The following RAB3C variants were observed in gnomAD, a reference collection of about 807,000 sequenced individuals.
RAB3C encodes the protein ras-related protein Rab-3C.
A neutral mutation model predicts 26.4 loss-of-function variants in RAB3C; 17 were observed. The ratio of observed to expected loss-of-function variants is 0.64; its 90% CI spans 0.44 to 0.97. The LOEUF is 0.97. Ranked by LOEUF, RAB3C falls within the 50% of genes least tolerant of loss-of-function variation. The probability of loss-of-function intolerance (pLI) is 0.00; values close to 1 mark genes in which losing one functional copy is unlikely to be tolerated. For missense variants in RAB3C, 242 were observed against 281.9 expected (o/e 0.86, Z 1.01); for synonymous variants, 91 against 95.9 (o/e 0.95, Z 0.30).
At chr5:58,839,915 T>C (rs926309230) in intron 4 of RAB3C, among the ~76,000 whole-genome samples, 2 of 151,568 alleles carry the variant, frequency 1.3e-5, no homozygotes, top group African/African-American at 4.8e-5. Context: ...TGGGAGGTTT[T>C]TTTTTTTCTT....
intron 2 of RAB3C, among the ~76,000 whole-genome samples, chr5:58,710,973 A>G (rs951747514): frequency 1.3e-5 from 2 of 152,216 alleles, no homozygotes; most frequent in African/African-American, 4.8e-5. Flanking sequence ...TGGAACACTC[A>G]TATAATTCAC....
intron 2 of RAB3C, among the ~76,000 whole-genome samples, chr5:58,718,099 G>A (rs1235037644): frequency 6.6e-6 from 1 of 152,072 alleles, no homozygotes; most frequent in African/African-American, 2.4e-5. Context: ...GCTGTAAGCT[G>A]CCTGCATTTA....
At chr5:58,741,047 A>G (rs927076934) in intron 3 of RAB3C, among the ~76,000 whole-genome samples, 2 of 152,160 alleles carry the variant, frequency 1.3e-5, no homozygotes, top group African/African-American at 4.8e-5. Context: ...AATGACTCAC[A>G]GAACTCAAGA....
chr5:58,745,088 G>A (rs1741367116), intron 3 of RAB3C, among the ~76,000 whole-genome samples: 1 of 151,836 alleles, frequency 6.6e-6, no homozygotes. Flanking sequence ...CCCATTCCCC[G>A]AGACCAACTG....
At chr5:58,822,792 A>G (rs1561142407) in intron 3 of RAB3C, 1 of 572,654 alleles carries the variant, frequency 1.7e-6, no homozygotes, top group Admixed American at 2.0e-5. Context: ...CTGACAAATT[A>G]TGCTGCAGCA....
intron 3 of RAB3C, among the ~76,000 whole-genome samples, chr5:58,730,172 A>G (rs1740984934): frequency 6.6e-6 from 1 of 151,916 alleles, no homozygotes; most frequent in Admixed American, 6.6e-5. Flanking sequence ...AGTTCCTACT[A>G]CATTAGAAAC....
rs150108231 is a variant in RAB3C, at chr5:58,660,270, G to A, written c.252+42400G>A. Among the ~76,000 whole-genome samples, 497 of 150,286 alleles carry A rather than the reference G, an allele frequency of 3.3e-3. 57 individuals carry two copies. The highest frequency in any genetic ancestry group is 0.011 in the African/African-American group (453 of 39,648). ...TATGATATTTTAGCAGTGCATTATG[G>A]AAATTCTAATTGTTATTTCTTGCCT... On this transcript the variant is annotated intron_variant, in intron 2 of 4. Coordinates refer to ENST00000282878, the MANE Select transcript of RAB3C (RefSeq NM_138453.4).
intron 3 of RAB3C, among the ~76,000 whole-genome samples, chr5:58,746,993 A>G (rs1741415067): frequency 6.6e-6 from 1 of 152,204 alleles, no homozygotes; most frequent in Non-Finnish European, 1.5e-5. Context: ...ACAGACTTTT[A>G]ACATTCTTAA....
intron 4 of RAB3C, among the ~76,000 whole-genome samples, chr5:58,843,351 C>G (rs73088996): frequency 0.051 from 7,687 of 152,162 alleles, 648 homozygotes; most frequent in African/African-American, 0.17. Context: ...ACCTGAAAAT[C>G]CTAAACAGAC....
rs141289771 is a variant in RAB3C at position 58,766,750 on chromosome 5, G to A, written c.371+40630G>A. On this transcript the variant is annotated intron_variant, in intron 3 of 4. Coordinates refer to ENST00000282878, the MANE Select transcript of RAB3C (RefSeq NM_138453.4). The stretch of plus-strand genomic sequence containing the variant: ...AGCTAAAGGTTTAATCGGAGCCTTC[G>A]TTAGATAAAGGCATGGTGCAGGGGC... 2.2e-3 allele frequency among the ~76,000 whole-genome samples: 334 copies of A among 152,248 alleles called. 1 individual carries two copies. Among genetic ancestry groups the A allele is most frequent in the Non-Finnish European group, 4.2e-3 (287 of 68,026 alleles).
chr5:58,808,874 C>G (rs10461652), intron 3 of RAB3C, among the ~76,000 whole-genome samples: 23,097 of 152,184 alleles, frequency 0.15, 3,026 homozygotes, highest in African/African-American at 0.36. Context: ...CTTCTACTCT[C>G]TTGACTTAGC....
Position 58,755,027 on chromosome 5 carries a change from A to T in RAB3C, c.371+28907A>T, listed in dbSNP as rs183063659. Among the ~76,000 whole-genome samples, 443 of 152,322 alleles carry T rather than the reference A, an allele frequency of 2.9e-3. 4 individuals are homozygous for T. The highest frequency in any genetic ancestry group is 5.3e-3 in the Non-Finnish European group (363 of 68,024). ...TTAAGATGCTAAATTTAAGACATGC[A>T]GTTGGAGCTGACAGCTGACAGGTTA... On this transcript the variant is annotated intron_variant, in intron 3 of 4. Transcript: ENST00000282878.
intron 2 of RAB3C, among the ~76,000 whole-genome samples, chr5:58,653,976 A>C (rs2032816): frequency 6.6e-6 from 1 of 152,024 alleles, no homozygotes; most frequent in African/African-American, 2.4e-5. Flanking sequence ...AGTGTTTTAC[A>C]TTAAATAACC....
At chr5:58,663,746 T>C (rs1404113421) in intron 2 of RAB3C, among the ~76,000 whole-genome samples, 6 of 151,854 alleles carry the variant, frequency 4.0e-5, no homozygotes, top group African/African-American at 1.5e-4. Context: ...ATGGATGCAG[T>C]AGAAAACAAA....
intron 3 of RAB3C, among the ~76,000 whole-genome samples, chr5:58,809,646 C>A (rs1205353670): frequency 6.6e-6 from 1 of 152,164 alleles, no homozygotes; most frequent in Admixed American, 6.5e-5. Flanking sequence ...GGTCAAGCCT[C>A]TGAGAGGTAA....
intron 2 of RAB3C, among the ~76,000 whole-genome samples, chr5:58,619,584 G>A (rs901428809): frequency 3.1e-4 from 47 of 152,118 alleles, no homozygotes; most frequent in African/African-American, 1.1e-3. Flanking sequence ...TCCTCTGGTT[G>A]ATAGCTCCAC....
intron 3 of RAB3C, among the ~76,000 whole-genome samples, chr5:58,750,115 T>C (rs1166506441): frequency 6.6e-6 from 1 of 152,194 alleles, no homozygotes; most frequent in African/African-American, 2.4e-5. Context: ...TATCAAACAA[T>C]TTTGAAACTA....
chr5:58,582,663 G>C (rs977406629), upstream of RAB3C, among the ~76,000 whole-genome samples: 1 of 152,142 alleles, frequency 6.6e-6, no homozygotes, highest in African/African-American at 2.4e-5. Flanking sequence ...GATGGGGAGG[G>C]GTAGGGCGGA....
chr5:58,675,376 T>C (rs2111830873), intron 2 of RAB3C, among the ~76,000 whole-genome samples: 1 of 152,298 alleles, frequency 6.6e-6, no homozygotes, highest in Admixed American at 6.5e-5. Context: ...TCTGCAAGGC[T>C]TTTGAAGTTC....
Sources: gnomAD v4.1 joint callset for allele counts (sites outside exome capture counted in the v4.1 genomes callset) on GRCh38, gnomAD v4.1.1 for gene constraint, MANE v1.5 for transcripts, NCBI Gene and HGNC (gene_info 2026-07-23, HGNC 2026-07-21) for gene names.